The following TRIM23 variants were observed in gnomAD, a reference collection of about 807,000 sequenced individuals.
The protein encoded by TRIM23 is tripartite motif containing 23, also known as E3 ubiquitin-protein ligase TRIM23.
A neutral mutation model predicts 71.0 loss-of-function variants in TRIM23; 27 were observed. The observed-to-expected ratio is 0.38, with a 90% CI of 0.28 to 0.52. The LOEUF is 0.52. TRIM23 is among the 20% of genes least tolerant of loss of function. The pLI, the probability that TRIM23 is intolerant of heterozygous loss-of-function variation, is 0.84. For synonymous variants in TRIM23, 234 were observed against 238.0 expected (o/e 0.98, Z 0.16); for missense variants, 482 against 692.3 (o/e 0.70, Z 3.41).
rs1467699811 is a variant in TRIM23 at position 65,591,093 on chromosome 5, C to A, written c.*676G>T. On this transcript the variant is annotated 3_prime_UTR_variant, in exon 11 of 11. Transcript: ENST00000231524. ...TTATTACTGTTCAGTTTATTACTAACCTGACAAGCCTAATTGGGTAACATT... is the reference window on the plus strand; with the variant it reads ...TTATTACTGTTCAGTTTATTACTAAACTGACAAGCCTAATTGGGTAACATT... 2 of 1,017,318 alleles carry A rather than the reference C, an allele frequency of 2.0e-6. No homozygotes were observed. Among genetic ancestry groups the A allele is most frequent in the Admixed American group, 6.0e-5 (1 of 16,548 alleles). 63.0% of individuals were successfully genotyped at this position (1,017,318 alleles called of 1,614,324 possible). A position where few individuals can be genotyped will look rare whatever the true frequency, so the allele number is the denominator to read the frequency against.
intron 3 of TRIM23, chr5:65,613,687 C>A (rs1754710196): frequency 8.7e-7 from 1 of 1,146,962 alleles, no homozygotes; most frequent in Non-Finnish European, 1.1e-6. Flanking sequence ...TTACTGCTAT[C>A]TTTAAGGCAT....
At chr5:65,612,533 A>AT (rs1397786779) in intron 3 of TRIM23, among the ~76,000 whole-genome samples, 1 of 152,094 alleles carries the variant, frequency 6.6e-6, no homozygotes, top group Non-Finnish European at 1.5e-5. Context: ...TAAAAAAAAA[A>AT]ATAGGCCAGG....
chr5:65,605,232 A>T (rs984939457), intron 6 of TRIM23, among the ~76,000 whole-genome samples, 187 bp from the exon 7 acceptor site: 7 of 152,246 alleles, frequency 4.6e-5, no homozygotes, highest in Admixed American at 3.9e-4. Flanking sequence ...AGAATGGATA[A>T]ATTGTAGCAT....
In TRIM23 at chr5:65,616,641, T is replaced by TA. The variant is rs746034795; in HGVS notation, c.244+1451dup. Among the ~76,000 whole-genome samples the TA allele has an allele frequency of 1.0e-2, 1,262 of 126,256 alleles. 15 individuals carry two copies. The highest frequency in any genetic ancestry group is 0.027 in the African/African-American group (877 of 32,908). The allele number at this position is 126,256 out of a possible 152,430, so 82.8% of individuals were successfully genotyped here. On this transcript the variant is annotated intron_variant, in intron 2 of 10. Coordinates refer to ENST00000231524, the MANE Select transcript of TRIM23 (RefSeq NM_001656.4). The stretch of plus-strand genomic sequence containing the variant: ...TGGGTGACGGAGTAACACTCTGCTT[T>TA]AAAAAAAAAAAAAAAAAAAAAAGTA...
At chr5:65,622,630 T>C (rs149575198) in intron 1 of TRIM23, among the ~76,000 whole-genome samples, 59 of 152,340 alleles carry the variant, frequency 3.9e-4, no homozygotes, top group Non-Finnish European at 5.4e-4. Flanking sequence ...CTTTCATCTA[T>C]AGAAATGACA....
rs1003586354 is a variant in TRIM23, at chr5:65,603,180, G to A, written c.1179+1731C>T. 5.3e-5 allele frequency among the ~76,000 whole-genome samples: 8 copies of A among 151,306 alleles called. No individual in the cohort carries two copies. In the East Asian group the frequency reaches 1.4e-3, roughly 26 times the overall value. On this transcript the variant is annotated intron_variant, in intron 7 of 10. Coordinates refer to ENST00000231524, the MANE Select transcript of TRIM23 (RefSeq NM_001656.4). ...GGGGCAGAGGGGAACTGTTTAAAGG[G>A]TATAGAGTTTCAGTTCTACAAAATG...
intron 2 of TRIM23, among the ~76,000 whole-genome samples, chr5:65,616,896 A>G (rs1754791990): frequency 6.6e-6 from 1 of 151,882 alleles, no homozygotes; most frequent in Non-Finnish European, 1.5e-5. Flanking sequence ...TAATTTTTAC[A>G]TTTTTAGAAG....
chr5:65,609,398 C>T lies in TRIM23; in HGVS notation c.889G>A (p.Glu297Lys). ...ATTTCTTCTTGACGACACAGAGTTT[C>T]ATGTAGATCATAAAAATAAGCTCGA... ...CIRAYFYDLH[E>K]TLCRQEEMAL... The change falls in exon 6 of 11, where the codon GAA becomes AAA. Residue 297 changes from glutamate to lysine, a missense_variant. Glu to Lys is a moderately conservative substitution (Grantham distance 56). Coordinates refer to ENST00000231524, the MANE Select transcript of TRIM23 (RefSeq NM_001656.4). 6.2e-7 allele frequency: 1 copy of T among 1,614,104 alleles called. No individual in the cohort carries two copies. Among genetic ancestry groups the T allele is most frequent in the Non-Finnish European group, 8.5e-7 (1 of 1,180,032 alleles).
rs374441947 is a variant in TRIM23 at position 65,614,109 on chromosome 5, T to C, written c.355A>G (p.Ile119Val). The change falls in exon 3 of 11, where the codon ATA (isoleucine) becomes GTA (valine). Residue 119 changes from isoleucine (I) to valine (V), a missense_variant. This residue lies in a region of TRIM23 where 175 missense variants were observed against 196.5 expected (regional missense o/e 0.89). Transcript: ENST00000231524. Reference sequence around the variant, plus strand: ...AGTATGATCAATACCTCTCCAGATATCCCAATGGATTCTTCTGCAGCTCCA... The same window carrying C: ...AGTATGATCAATACCTCTCCAGATACCCCAATGGATTCTTCTGCAGCTCCA... ...QYGAAEESIG[I>V]SGESIIRCDE... The C allele has an allele frequency of 1.1e-5, 17 of 1,613,632 alleles. No homozygotes were observed. Among genetic ancestry groups the C allele is most frequent in the Non-Finnish European group, 1.4e-5 (17 of 1,179,904 alleles).
Position 65,608,430 on chromosome 5 carries a change from G to A in TRIM23, c.1044+813C>T, listed in dbSNP as rs149612. 1.7e-3 allele frequency among the ~76,000 whole-genome samples: 258 copies of A among 152,280 alleles called. 4 individuals carry two copies. In the East Asian group the frequency reaches 0.044, roughly 26 times the overall value. On this transcript the variant is annotated intron_variant, in intron 6 of 10. Coordinates refer to ENST00000231524, the MANE Select transcript of TRIM23 (RefSeq NM_001656.4). The stretch of plus-strand genomic sequence containing the variant: ...AAGGACTAAATGATAACCCAAGACT[G>A]ATGAGGCTATAGACTGGCCACTCTC...
At chr5:65,602,737 A>G (rs1754394640) in intron 7 of TRIM23, among the ~76,000 whole-genome samples, 1 of 152,190 alleles carries the variant, frequency 6.6e-6, no homozygotes, top group Non-Finnish European at 1.5e-5. Flanking sequence ...TACTTCTTAC[A>G]TGGTGGTGGC....
chr5:65,610,720 G>C (rs1754627378), intron 5 of TRIM23, 141 bp downstream of exon 5: 3 of 616,530 alleles, frequency 4.9e-6, no homozygotes, highest in Non-Finnish European at 5.3e-6. Flanking sequence ...ATGAGTTCCT[G>C]AAAGACAGGG....
In TRIM23 at chr5:65,604,961, C is replaced by A; in HGVS notation, c.1129G>T (p.Val377Phe). ...LQKQQQQFTE[V>F]ADHIQLDASI... ...GCATCCAACTGAATGTGATCTGCAA[C>A]TTCTGTAAACTGCTGCTGCTGTTTC... Residue 377 changes from valine to phenylalanine, a missense_variant, in exon 7 of 11, where the codon GTT becomes TTT. Coordinates refer to ENST00000231524, the MANE Select transcript of TRIM23 (RefSeq NM_001656.4). 1 of 1,614,002 alleles carries A rather than the reference C, an allele frequency of 6.2e-7. No homozygotes were observed. Among genetic ancestry groups the A allele is most frequent in the Non-Finnish European group, 8.5e-7 (1 of 1,179,968 alleles).
rs544296064 is a variant in TRIM23, at chr5:65,621,564, A to C, written c.81+2630T>G. ...GTTAATGTATTTTTCAAAAAGCACT[A>C]ATAAAATTCCATTGATTAGCAAACC... On this transcript the variant is annotated intron_variant, in intron 1 of 10. Transcript: ENST00000231524. Among the ~76,000 whole-genome samples, 6 of 152,306 alleles carry C rather than the reference A, an allele frequency of 3.9e-5. No individual in the cohort carries two copies. The South Asian group carries it at 1.2e-3, about 32-fold the overall frequency.
intron 10 of TRIM23, 66 bp from the exon 11 acceptor site, chr5:65,592,014 T>C: frequency 6.8e-7 from 1 of 1,461,856 alleles, no homozygotes; most frequent in African/African-American, 1.4e-5. Flanking sequence ...ATTATCACCA[T>C]TTATAGAGAA....
intron 3 of TRIM23, among the ~76,000 whole-genome samples, chr5:65,612,182 T>G (rs924138984): frequency 2.6e-5 from 4 of 152,210 alleles, no homozygotes; most frequent in African/African-American, 9.7e-5. Flanking sequence ...CCCCTCACTT[T>G]ACACAAAAGA....
At chr5:65,611,993 T>A in intron 3 of TRIM23, 112 bp from the exon 4 acceptor site, 1 of 1,008,568 alleles carries the variant, frequency 9.9e-7, no homozygotes, top group Non-Finnish European at 1.4e-6. Context: ...TATTTACATA[T>A]GAAAATATAT....
intron 8 of TRIM23, among the ~76,000 whole-genome samples, chr5:65,596,779 T>C (rs1754218206): frequency 6.6e-6 from 1 of 151,972 alleles, no homozygotes; most frequent in Non-Finnish European, 1.5e-5. Flanking sequence ...CCAGCTCTGT[T>C]CCACAACTAC....
intron 1 of TRIM23, among the ~76,000 whole-genome samples, chr5:65,621,718 A>T (rs1457711179): frequency 6.6e-6 from 1 of 152,210 alleles, no homozygotes; most frequent in Non-Finnish European, 1.5e-5. Flanking sequence ...CTAGATAGGA[A>T]AAAGCTCTTA....
Sources: allele counts gnomAD v4.1 joint callset (sites outside exome capture counted in the v4.1 genomes callset), GRCh38; gene constraint gnomAD v4.1.1; regional missense constraint gnomAD v4.1.1; transcripts MANE v1.5; gene names NCBI Gene and HGNC (gene_info 2026-07-23, HGNC 2026-07-21).